The following MOXD1 variants were observed in gnomAD, a reference collection of about 807,000 sequenced individuals.
The protein encoded by MOXD1 is DBH-like monooxygenase protein 1.
MOXD1 carries 62 observed loss-of-function variants against 66.6 expected under a neutral mutation model. The ratio of observed to expected loss-of-function variants is 0.93; its 90% CI spans 0.76 to 1.15. MOXD1 has a LOEUF of 1.15. Among genes scored for constraint, MOXD1 ranks in the 50% most tolerant of loss-of-function variants. The pLI is 0.00. For missense variants in MOXD1, 847 were observed against 754.6 expected, an observed-to-expected ratio of 1.12 and a Z score of -1.44; for synonymous variants, 303 against 281.9, an observed-to-expected ratio of 1.07 and a Z score of -0.75.
At chr6:132,352,204 T>C (rs1440689193) in intron 4 of MOXD1, among the ~76,000 whole-genome samples, 4 of 152,178 alleles carry the variant, frequency 2.6e-5, no homozygotes, top group Non-Finnish European at 5.9e-5. Flanking sequence ...GTTTCTCTAG[T>C]TCCTTGAAGT....
At chr6:132,390,203 A>T (rs376391988) in intron 1 of MOXD1, among the ~76,000 whole-genome samples, 4 of 151,580 alleles carry the variant, frequency 2.6e-5, no homozygotes, top group Non-Finnish European at 5.9e-5. Flanking sequence ...TGAAAAAAAC[A>T]TTAATTATAT....
chr6:132,382,865 G>C (rs1776539685), intron 1 of MOXD1, among the ~76,000 whole-genome samples: 1 of 152,138 alleles, frequency 6.6e-6, no homozygotes, highest in Admixed American at 6.5e-5. Context: ...ATGACCTCTT[G>C]TTTAAAAGCA....
chr6:132,338,246 G>C (rs552022616), intron 4 of MOXD1, among the ~76,000 whole-genome samples: 2 of 152,130 alleles, frequency 1.3e-5, no homozygotes. Flanking sequence ...TGATATACTC[G>C]TATCTTTATT....
intron 1 of MOXD1, among the ~76,000 whole-genome samples, chr6:132,385,028 G>T (rs139223676): frequency 1.3e-5 from 2 of 152,304 alleles, no homozygotes; most frequent in East Asian, 3.9e-4. Context: ...AGGTGGGCAG[G>T]TGTTAGATTT....
chr6:132,354,531 T>C (rs1775870280), intron 4 of MOXD1, among the ~76,000 whole-genome samples: 2 of 152,228 alleles, frequency 1.3e-5, no homozygotes, highest in Non-Finnish European at 2.9e-5. Flanking sequence ...CAGCCATTGA[T>C]ACCAGCACCT....
chr6:132,324,015 G>A lies in MOXD1; in HGVS notation c.1029C>T (p.Leu343=). ...KYDAGVIEAG[L]WVSLFHTIPP... Reference sequence around the variant, plus strand: ...GGATGGTATGGAAGAGGCTCACCCAGAGGCCAGCCTCAATCACCCCAGCAT... The same window carrying A: ...GGATGGTATGGAAGAGGCTCACCCAAAGGCCAGCCTCAATCACCCCAGCAT... The change falls in exon 7 of 12, where the codon CTC becomes CTT. Residue 343 remains leucine, a synonymous_variant. Coordinates refer to ENST00000367963, the MANE Select transcript of MOXD1 (RefSeq NM_015529.4). The A allele has an allele frequency of 1.2e-6, 2 of 1,613,836 alleles. No individual in the cohort carries two copies. The highest frequency in any genetic ancestry group is 4.5e-5 in the East Asian group (2 of 44,864).
chr6:132,377,517 CA>C (rs1776418417), intron 1 of MOXD1, among the ~76,000 whole-genome samples: 1 of 152,182 alleles, frequency 6.6e-6, no homozygotes, highest in South Asian at 2.1e-4. Context: ...TATTTCCACT[CA>C]ACAATACCAA....
intron 1 of MOXD1, among the ~76,000 whole-genome samples, chr6:132,387,347 G>C (rs1776672060): frequency 6.6e-6 from 1 of 151,238 alleles, no homozygotes; most frequent in South Asian, 2.1e-4. Context: ...CAGAGTTGTT[G>C]AACTTTACTT....
chr6:132,378,865 A>G (rs1227067885), intron 1 of MOXD1, among the ~76,000 whole-genome samples: 1 of 140,388 alleles, frequency 7.1e-6, no homozygotes, highest in Non-Finnish European at 1.5e-5. Context: ...AAGAGGACAG[A>G]ACACTTCCTC....
intron 10 of MOXD1, among the ~76,000 whole-genome samples, chr6:132,299,096 A>G (rs1774473133): frequency 6.6e-6 from 1 of 152,174 alleles, no homozygotes; most frequent in Admixed American, 6.5e-5. Flanking sequence ...GTAGCCACAC[A>G]AAAAAAGAAA....
chr6:132,375,958 T>C (rs1047086689), intron 1 of MOXD1, among the ~76,000 whole-genome samples: 26 of 152,222 alleles, frequency 1.7e-4, no homozygotes, highest in African/African-American at 6.3e-4. Flanking sequence ...ACTGCCTACA[T>C]GGTTAGCGCC....
chr6:132,317,619 T>C (rs945954363), intron 9 of MOXD1, among the ~76,000 whole-genome samples: 5 of 152,162 alleles, frequency 3.3e-5, no homozygotes, highest in African/African-American at 1.2e-4. Context: ...GGTTTGGTTG[T>C]GTTGGCCCTG....
Position 132,296,185 on chromosome 6 carries a change from C to T in MOXD1, c.*968G>A, listed in dbSNP as rs553913861. On this transcript the variant is annotated 3_prime_UTR_variant, in exon 12 of 12. Transcript: ENST00000367963. The stretch of plus-strand genomic sequence containing the variant: ...GAGTGACAAGATTTTCAATTGGTGA[C>T]AATTTAAAGTCATTTATTAACTAAT... The T allele has an allele frequency of 6.6e-6, 1 of 152,214 alleles. No homozygotes were observed. The highest frequency in any genetic ancestry group is 1.9e-4 in the East Asian group (1 of 5,186). 9.4% of individuals were successfully genotyped at this position (152,214 alleles called of 1,614,324 possible). A position where few individuals can be genotyped will look rare whatever the true frequency, so the allele number is the denominator to read the frequency against.
chr6:132,297,829 T>C lies in MOXD1; in HGVS notation c.1635A>G (p.Pro545=), dbSNP rs768612171. The C allele has an allele frequency of 1.2e-5, 20 of 1,612,962 alleles. No individual in the cohort carries two copies. In the South Asian group the frequency reaches 2.0e-4, roughly 16 times the overall value. ...CTGTCTTGGAACATCTCACATTCAC[T>C]GGCAGGCTGAGGACCAGCTTGTTGA... ...LSFNKLVLSL[P]VNVRCSKTDN... Residue 545 remains proline, a synonymous_variant, in exon 11 of 12, where the codon CCA becomes CCG. Transcript: ENST00000367963.
intron 4 of MOXD1, among the ~76,000 whole-genome samples, chr6:132,348,428 C>T (rs1775710113): frequency 6.6e-6 from 1 of 152,192 alleles, no homozygotes; most frequent in Admixed American, 6.5e-5. Flanking sequence ...ACTCAAAGAT[C>T]AAGGTGGGTC....
chr6:132,349,831 G>T (rs527253885), intron 4 of MOXD1, among the ~76,000 whole-genome samples: 1 of 152,184 alleles, frequency 6.6e-6, no homozygotes, highest in African/African-American at 2.4e-5. Context: ...GGAGTAAGGT[G>T]GTATTGCACT....
At chr6:132,322,134 A>G (rs1231961239) in intron 8 of MOXD1, among the ~76,000 whole-genome samples, 1 of 152,204 alleles carries the variant, frequency 6.6e-6, no homozygotes, top group Non-Finnish European at 1.5e-5. Flanking sequence ...AAAGCATTAT[A>G]ACCTTTTTAA....
At chr6:132,359,687 T>C (rs889550142) in intron 4 of MOXD1, among the ~76,000 whole-genome samples, 2 of 151,638 alleles carry the variant, frequency 1.3e-5, no homozygotes, top group Admixed American at 6.6e-5. Context: ...GGGGTTTCAC[T>C]GTGTTAGCCA....
chr6:132,318,239 G>A (rs1774999966), intron 9 of MOXD1, among the ~76,000 whole-genome samples: 1 of 151,976 alleles, frequency 6.6e-6, no homozygotes, highest in African/African-American at 2.4e-5. Flanking sequence ...ATGGAATTGA[G>A]TAGAGTATAT....
Sources: gnomAD v4.1 joint callset for allele counts (sites outside exome capture counted in the v4.1 genomes callset) on GRCh38, gnomAD v4.1.1 for gene constraint, MANE v1.5 for transcripts, NCBI Gene and HGNC (gene_info 2026-07-23, HGNC 2026-07-21) for gene names.